COL10A1: variants seen among roughly 807,000 people sequenced by gnomAD.
COL10A1 encodes the protein collagen alpha-1(X) chain.
A neutral mutation model predicts 18.2 loss-of-function variants in COL10A1; 10 were observed. The ratio of observed to expected loss-of-function variants is 0.55; its 90% CI spans 0.34 to 0.93. The LOEUF is 0.93. Among genes scored for constraint, COL10A1 ranks in the 40% least tolerant of loss-of-function variants. The pLI is 0.02. For synonymous variants in COL10A1, 330 were observed against 316.6 expected, an observed-to-expected ratio of 1.04 and a Z score of -0.45; for missense variants, 897 against 853.5, an observed-to-expected ratio of 1.05 and a Z score of -0.64.
Position 116,120,339 on chromosome 6 carries a change from T to C in COL10A1, c.1777A>G (p.Ile593Val), listed in dbSNP as rs1264254835. The C allele has an allele frequency of 1.2e-5, 20 of 1,614,138 alleles. No individual in the cohort carries two copies. Among genetic ancestry groups the C allele is most frequent in the Non-Finnish European group, 1.6e-5 (19 of 1,180,050 alleles). ...DPRTGIFTCQIPGIYYFSYHV... is the reference protein window; with the variant it reads ...DPRTGIFTCQVPGIYYFSYHV... Reference sequence around the variant, plus strand: ...TATGAAAAATAGTATATTCCTGGTATCTGACAAGTAAAGATTCCAGTCCTT... The same window carrying C: ...TATGAAAAATAGTATATTCCTGGTACCTGACAAGTAAAGATTCCAGTCCTT... Residue 593 changes from isoleucine (I) to valine (V), a missense_variant, in exon 3 of 3, where the codon ATA becomes GTA. Ile to Val is a conservative substitution (Grantham distance 29). Coordinates refer to ENST00000651968, the MANE Select transcript of COL10A1 (RefSeq NM_000493.4).
At chr6:116,184,531 G>T in the COL10A1 span, among the ~76,000 whole-genome samples, 3 of 151,812 alleles carry the variant, frequency 2.0e-5, no homozygotes, top group Non-Finnish European at 4.4e-5. Context: ...TTTTTTTGTT[G>T]GTAACTTTTT....
At chr6:116,178,112 T>TGC in the COL10A1 span, among the ~76,000 whole-genome samples, 45 of 90,854 alleles carry the variant, frequency 5.0e-4, no homozygotes, top group East Asian at 1.5e-3. Flanking sequence ...CGTGCGTGCG[T>TGC]GTGTGTGTGT....
the COL10A1 span, among the ~76,000 whole-genome samples, chr6:116,164,189 G>A: frequency 3.3e-5 from 5 of 152,108 alleles, no homozygotes; most frequent in South Asian, 2.1e-4. Context: ...CTGGGATGTC[G>A]AAGTTTCCCA....
intron 1 of COL10A1, among the ~76,000 whole-genome samples, chr6:116,153,571 G>A (rs1341269657): frequency 6.6e-6 from 1 of 152,010 alleles, no homozygotes; most frequent in Non-Finnish European, 1.5e-5. Flanking sequence ...ACCTCTGTTA[G>A]GTACTTAGTT....
chr6:116,150,815 A>G (rs137914359), intron 1 of COL10A1, among the ~76,000 whole-genome samples: 1 of 152,348 alleles, frequency 6.6e-6, no homozygotes, highest in African/African-American at 2.4e-5. Context: ...GGAGTCTTAT[A>G]TATCTAGTGA....
chr6:116,144,552 G>A (rs1432392940), intron 1 of COL10A1, among the ~76,000 whole-genome samples: 1 of 151,614 alleles, frequency 6.6e-6, no homozygotes. Context: ...AGTTTCTCCT[G>A]GTTTTCTATA....
At chr6:116,122,064 C>T (rs1012108376) in intron 2 of COL10A1, 103 bp from the exon 3 acceptor site, 1 of 997,340 alleles carries the variant, frequency 1.0e-6, no homozygotes, top group African/African-American at 1.6e-5. Context: ...GATATTTCAG[C>T]ATCATTTATT....
At chr6:116,208,007 A>G in the COL10A1 span, among the ~76,000 whole-genome samples, 2 of 151,976 alleles carry the variant, frequency 1.3e-5, no homozygotes, top group African/African-American at 4.8e-5. Context: ...GTTAGAAGAA[A>G]CACAGTGAAA....
chr6:116,152,557 C>T (rs1264700072), intron 1 of COL10A1, among the ~76,000 whole-genome samples: 1 of 152,090 alleles, frequency 6.6e-6, no homozygotes, highest in African/African-American at 2.4e-5. Context: ...GATTTATTCC[C>T]CTCTATCTCA....
intron 1 of COL10A1, among the ~76,000 whole-genome samples, chr6:116,144,513 A>AGT (rs1779848170): frequency 6.6e-6 from 1 of 151,892 alleles, no homozygotes; most frequent in African/African-American, 2.4e-5. Context: ...AAAAAAAAAA[A>AGT]GTGTAAAAGG....
chr6:116,151,651 G>A (rs1780042094), intron 1 of COL10A1, among the ~76,000 whole-genome samples: 2 of 152,030 alleles, frequency 1.3e-5, no homozygotes, highest in South Asian at 4.1e-4. Context: ...TGGATTTAGG[G>A]TTACATTTAT....
chr6:116,181,862 A>T, the COL10A1 span, among the ~76,000 whole-genome samples: 1 of 152,090 alleles, frequency 6.6e-6, no homozygotes. Context: ...TCCAACCAAA[A>T]TTTTATTTAT....
chr6:116,157,893 A>G (rs1267658320), intron 1 of COL10A1, among the ~76,000 whole-genome samples: 1 of 152,212 alleles, frequency 6.6e-6, no homozygotes, highest in Non-Finnish European at 1.5e-5. Context: ...TAGTAATAAT[A>G]TCATTGAAGT....
Position 116,120,680 on chromosome 6 carries a change from C to T in COL10A1, c.1436G>A (p.Gly479Asp). Residue 479 changes from glycine (G) to aspartate (D), a missense_variant, in exon 3 of 3, where the codon GGC becomes GAC. Physicochemically the swap from Gly to Asp is moderately conservative, Grantham distance 94. Coordinates refer to ENST00000651968, the MANE Select transcript of COL10A1 (RefSeq NM_000493.4). The stretch of plus-strand genomic sequence containing the variant: ...TCCATTGAGGCCCTTAGTTGCTATG[C>T]CAGCTGGGCCAGGAGGACCGGGACT... Reference protein sequence around the residue: ...PGSPGPPGPAGIATKGLNGPT... With the variant: ...PGSPGPPGPADIATKGLNGPT... The T allele has an allele frequency of 6.5e-7, 1 of 1,545,722 alleles. No individual in the cohort carries two copies. Among genetic ancestry groups the T allele is most frequent in the South Asian group, 1.3e-5 (1 of 78,638 alleles).
chr6:116,187,026 A>G, the COL10A1 span, among the ~76,000 whole-genome samples: 1 of 151,960 alleles, frequency 6.6e-6, no homozygotes, highest in Non-Finnish European at 1.5e-5. Flanking sequence ...CTCAAGGGCT[A>G]CCGTTCAGAT....
chr6:116,178,394 G>A, the COL10A1 span, among the ~76,000 whole-genome samples: 1 of 152,080 alleles, frequency 6.6e-6, no homozygotes, highest in South Asian at 2.1e-4. Flanking sequence ...ATTCATAAAG[G>A]CGATAGAAAG....
chr6:116,185,618 G>A, the COL10A1 span, among the ~76,000 whole-genome samples: 1 of 152,192 alleles, frequency 6.6e-6, no homozygotes, highest in East Asian at 1.9e-4. Context: ...CTTATATAAT[G>A]TCCCACTTTG....
the COL10A1 span, among the ~76,000 whole-genome samples, chr6:116,211,867 G>T: frequency 6.6e-6 from 1 of 152,116 alleles, no homozygotes; most frequent in East Asian, 1.9e-4. Flanking sequence ...TAAAGCTAGA[G>T]AGCCTACACC....
chr6:116,212,845 C>T, the COL10A1 span, among the ~76,000 whole-genome samples: 2 of 152,072 alleles, frequency 1.3e-5, no homozygotes, highest in African/African-American at 2.4e-5. Flanking sequence ...GCTTTAAATA[C>T]TTGTTAATTT....
Sources: allele counts gnomAD v4.1 joint callset (sites outside exome capture counted in the v4.1 genomes callset), GRCh38; gene constraint gnomAD v4.1.1; transcripts MANE v1.5; gene names NCBI Gene and HGNC (gene_info 2026-07-23, HGNC 2026-07-21).